AIG1: variants seen among roughly 807,000 people sequenced by gnomAD.
AIG1 encodes androgen induced 1.
Under a neutral mutation model 31.4 loss-of-function variants are expected in AIG1, and 23 were observed. The ratio of observed to expected loss-of-function variants is 0.73; its 90% CI spans 0.53 to 1.04. AIG1 has a LOEUF of 1.04. Ranked by LOEUF, AIG1 falls within the 50% of genes least tolerant of loss-of-function variation. The pLI is 0.00. For synonymous variants in AIG1, 100 were observed against 110.5 expected, an observed-to-expected ratio of 0.90 and a Z score of 0.60; for missense variants, 274 against 295.0, an observed-to-expected ratio of 0.93 and a Z score of 0.52.
chr6:143,104,285 A>G (rs1225093552), intron 1 of AIG1, among the ~76,000 whole-genome samples: 1 of 152,242 alleles, frequency 6.6e-6, no homozygotes, highest in Non-Finnish European at 1.5e-5. Context: ...CTATTACATA[A>G]AAGTCTTTAC....
chr6:143,061,786 G>T (rs893001345), intron 1 of AIG1, among the ~76,000 whole-genome samples: 1 of 152,182 alleles, frequency 6.6e-6, no homozygotes, highest in African/African-American at 2.4e-5. Context: ...ACAGGTGCAG[G>T]TTATTATTAG....
chr6:143,332,728 G>A lies in AIG1; in HGVS notation c.516-554G>A, dbSNP rs1172963063. Among the ~76,000 whole-genome samples the A allele has an allele frequency of 2.0e-5, 3 of 152,172 alleles. No homozygotes were observed. In the East Asian group the frequency reaches 5.8e-4, roughly 29 times the overall value. ...TAAAGAAGAGATTTAAAAGATTGTT[G>A]AACAGTGTTAATAAAGTCAGCCATT... On this transcript the variant is annotated intron_variant, in intron 4 of 5. Transcript: ENST00000357847.
intron 3 of AIG1, among the ~76,000 whole-genome samples, chr6:143,182,535 C>A (rs1275550478): frequency 6.6e-6 from 1 of 152,090 alleles, no homozygotes; most frequent in Non-Finnish European, 1.5e-5. Flanking sequence ...TTTAGTAATA[C>A]CTACCCCGAG....
chr6:143,270,944 G>T (rs1464767151), intron 3 of AIG1, among the ~76,000 whole-genome samples: 1 of 152,198 alleles, frequency 6.6e-6, no homozygotes, highest in Non-Finnish European at 1.5e-5. Flanking sequence ...GTTTGCATGT[G>T]TGTGTGCATA....
At chr6:143,261,217 C>T (rs371774426) in intron 3 of AIG1, among the ~76,000 whole-genome samples, 9 of 152,248 alleles carry the variant, frequency 5.9e-5, no homozygotes, top group East Asian at 1.9e-4. Context: ...CTGCAATCTC[C>T]GCCTCCCGGG....
intron 4 of AIG1, among the ~76,000 whole-genome samples, chr6:143,316,826 T>C (rs74722223): frequency 0.046 from 6,990 of 152,040 alleles, 517 homozygotes; most frequent in African/African-American, 0.16. Flanking sequence ...ACGGGAGATA[T>C]TACAACTGAT....
Position 143,268,539 on chromosome 6 carries a change from G to A in AIG1, c.400-15571G>A, listed in dbSNP as rs1796305083. On this transcript the variant is annotated intron_variant, in intron 3 of 5. Coordinates refer to ENST00000357847, the MANE Select transcript of AIG1 (RefSeq NM_016108.4). The surrounding 1 kb of genome is among the most constrained non-coding windows in gnomAD (Gnocchi z 5.0). Reference sequence around the variant, plus strand: ...GACCATATATAAAATTACAGGGGCTGACTATAGCACCAAAATTAGGTGGTG... The same window carrying A: ...GACCATATATAAAATTACAGGGGCTAACTATAGCACCAAAATTAGGTGGTG... Among the ~76,000 whole-genome samples the A allele has an allele frequency of 6.6e-6, 1 of 152,308 alleles. No homozygotes were observed. Among genetic ancestry groups the A allele is most frequent in the South Asian group, 2.1e-4 (1 of 4,820 alleles).
At chr6:143,209,924 C>T (rs1034387822) in intron 3 of AIG1, among the ~76,000 whole-genome samples, 1 of 152,220 alleles carries the variant, frequency 6.6e-6, no homozygotes, top group Non-Finnish European at 1.5e-5. Flanking sequence ...GTCGTGTTCA[C>T]TGCTGTATCC....
intron 1 of AIG1, among the ~76,000 whole-genome samples, chr6:143,066,392 C>G (rs1776716289): frequency 6.6e-6 from 1 of 152,006 alleles, no homozygotes; most frequent in Admixed American, 6.6e-5. Context: ...CCTGTCTCAG[C>G]CTCCCGAGTA....
rs548320982 is a variant in AIG1 at position 143,287,413 on chromosome 6, C to T, written c.515+3188C>T. ...GTTTAGAAAGAGTACATGACTTGCC[C>T]AGGGTGAGCCACTGGACTCTTGCCA... On this transcript the variant is annotated intron_variant, in intron 4 of 5. Transcript: ENST00000357847. 2.6e-5 allele frequency among the ~76,000 whole-genome samples: 4 copies of T among 152,262 alleles called. 1 individual carries two copies. The East Asian group carries it at 7.7e-4, about 29-fold the overall frequency.
At chr6:143,189,678 T>C in intron 3 of AIG1, 2 of 985,430 alleles carry the variant, frequency 2.0e-6, no homozygotes, top group East Asian at 2.3e-4. Flanking sequence ...TCATCCTTTT[T>C]TTCTGTACCT....
intron 2 of AIG1, among the ~76,000 whole-genome samples, chr6:143,151,392 A>AACAAATAT (rs757580717): frequency 4.4e-4 from 67 of 152,370 alleles, no homozygotes; most frequent in Non-Finnish European, 7.5e-4. Flanking sequence ...AATACCAAGA[A>AACAAATAT]ACAAATATGC....
intron 3 of AIG1, among the ~76,000 whole-genome samples, chr6:143,271,894 G>A (rs1796551729): frequency 6.6e-6 from 1 of 152,004 alleles, no homozygotes; most frequent in African/African-American, 2.4e-5. Flanking sequence ...CTCTTAAATT[G>A]CAAGTGTTTT....
chr6:143,300,332 A>C (rs1025785297), intron 4 of AIG1, among the ~76,000 whole-genome samples: 1 of 152,222 alleles, frequency 6.6e-6, no homozygotes, highest in African/African-American at 2.4e-5. Context: ...AGTTAAACAT[A>C]AATCTTTCAG....
intron 4 of AIG1, among the ~76,000 whole-genome samples, chr6:143,306,339 G>A (rs1277161455): frequency 1.3e-5 from 2 of 152,180 alleles, no homozygotes; most frequent in Non-Finnish European, 2.9e-5. Context: ...TTTACAATTT[G>A]GCATGATTTT....
chr6:143,327,465 G>A lies in AIG1; in HGVS notation c.516-5817G>A, dbSNP rs751440643. ...AAGGAGATGGGAACTCCAGATTTGC[G>A]CATTGATACCAGGCCCAACAAAACT... On this transcript the variant is annotated intron_variant, in intron 4 of 5. Transcript: ENST00000357847. This position sits in a 1 kb window ranked among gnomAD's most constrained non-coding sequence, Gnocchi z 5.3. 55 of 399,230 alleles carry A rather than the reference G, an allele frequency of 1.4e-4. 1 individual carries two copies. Among genetic ancestry groups the A allele is most frequent in the Non-Finnish European group, 1.9e-4 (40 of 205,856 alleles). 24.7% of individuals were successfully genotyped at this position (399,230 alleles called of 1,614,324 possible).
At chr6:143,223,342 C>T (rs1438394178) in intron 3 of AIG1, among the ~76,000 whole-genome samples, 6 of 152,146 alleles carry the variant, frequency 3.9e-5, no homozygotes, top group Non-Finnish European at 2.9e-5. Context: ...AGTTTGTTTC[C>T]TTGTTTCCTG....
At chr6:143,186,080 C>T (rs565524106) in intron 3 of AIG1, among the ~76,000 whole-genome samples, 3 of 152,280 alleles carry the variant, frequency 2.0e-5, no homozygotes, top group South Asian at 2.1e-4. Flanking sequence ...CTTGCCCAAG[C>T]GCTCACAGCC....
chr6:143,142,317 T>C (rs1784309632), intron 2 of AIG1, among the ~76,000 whole-genome samples: 1 of 152,158 alleles, frequency 6.6e-6, no homozygotes, highest in African/African-American at 2.4e-5. Context: ...CAAATGATTC[T>C]CCTGCCTCAG....
Sources: allele counts gnomAD v4.1 joint callset (sites outside exome capture counted in the v4.1 genomes callset), GRCh38; gene constraint gnomAD v4.1.1; non-coding constraint Gnocchi (gnomAD v3.1); transcripts MANE v1.5; gene names NCBI Gene and HGNC (gene_info 2026-07-23, HGNC 2026-07-21).